Variants in SHC4 observed in about 807,000 individuals in gnomAD.
The protein encoded by SHC4 is SHC-transforming protein 4.
In SHC4, 41 loss-of-function variants were observed where a neutral mutation model predicts 69.4. The observed-to-expected ratio is 0.59, with a 90% CI of 0.46 to 0.77. The LOEUF is 0.77. SHC4 is among the 30% of genes least tolerant of loss of function. SHC4 has a pLI of 0.00. For missense variants in SHC4, 777 were observed against 783.8 expected (o/e 0.99, Z 0.10); for synonymous variants, 318 against 299.3 (o/e 1.06, Z -0.64).
chr15:48,844,946 T>C (rs1899059224), intron 9 of SHC4, among the ~76,000 whole-genome samples: 1 of 152,216 alleles, frequency 6.6e-6, no homozygotes, highest in South Asian at 2.1e-4. Context: ...GGGTATGTCT[T>C]TATTAGCAGC....
chr15:48,898,388 C>A (rs1398006624), intron 2 of SHC4, among the ~76,000 whole-genome samples: 1 of 152,190 alleles, frequency 6.6e-6, no homozygotes, highest in Admixed American at 6.5e-5. Context: ...AACTCAGCCT[C>A]ATAAAATACA....
intron 2 of SHC4, among the ~76,000 whole-genome samples, chr15:48,919,154 C>A (rs1900686079): frequency 6.6e-6 from 1 of 152,066 alleles, no homozygotes; most frequent in Non-Finnish European, 1.5e-5. Context: ...CAAGTAGGAC[C>A]ACTTGACACC....
chr15:48,850,085 C>T (rs1218124865), intron 9 of SHC4, among the ~76,000 whole-genome samples: 1 of 152,142 alleles, frequency 6.6e-6, no homozygotes, highest in Admixed American at 6.5e-5. Flanking sequence ...TGCCTGTAAT[C>T]TCAGCTACTC....
chr15:48,863,854 T>C (rs539410096), intron 6 of SHC4, among the ~76,000 whole-genome samples: 53 of 152,326 alleles, frequency 3.5e-4, no homozygotes, highest in African/African-American at 1.2e-3. Flanking sequence ...AATCTGTCCA[T>C]CCACTTAATG....
chr15:48,893,008 A>C (rs553281389), intron 2 of SHC4, among the ~76,000 whole-genome samples: 1 of 152,328 alleles, frequency 6.6e-6, no homozygotes, highest in Non-Finnish European at 1.5e-5. Flanking sequence ...TTTTACTAGA[A>C]GTTGTTACTT....
At chr15:48,829,224 A>C (rs1898750243) in intron 11 of SHC4, among the ~76,000 whole-genome samples, 1 of 152,072 alleles carries the variant, frequency 6.6e-6, no homozygotes, top group Non-Finnish European at 1.5e-5. Context: ...TGTTGGATGG[A>C]ATGTTCTGTA....
chr15:48,864,003 A>G (rs1899503937), intron 6 of SHC4, among the ~76,000 whole-genome samples: 2 of 152,204 alleles, frequency 1.3e-5, no homozygotes. Flanking sequence ...GAGTACTGAA[A>G]ATGCCTGGCA....
chr15:48,848,330 G>C lies in SHC4; in HGVS notation c.1303+2858C>G, dbSNP rs568222034. ...ATTCAGTGATTTACGGGGGAGCAAA[G>C]TATCTAGGTGGAGGACTTTTCTTAA... On this transcript the variant is annotated intron_variant, in intron 9 of 11. Transcript: ENST00000332408. Among the ~76,000 whole-genome samples, 3 of 152,266 alleles carry C rather than the reference G, an allele frequency of 2.0e-5. No homozygotes were observed. The South Asian group carries it at 6.2e-4, about 32-fold the overall frequency.
rs569203852 is a variant in SHC4, at chr15:48,947,927, G to A, written c.585+14504C>T. On this transcript the variant is annotated intron_variant, in intron 1 of 11. Coordinates refer to ENST00000332408, the MANE Select transcript of SHC4 (RefSeq NM_203349.4). ...TCAGTCTTCAGCTGATAAAAATGTT[G>A]ACAACAGTGGGAGAAACTCAAAACT... 4 of 152,258 alleles carry A rather than the reference G, an allele frequency of 2.6e-5. No homozygotes were observed. The East Asian group carries it at 7.7e-4, about 29-fold the overall frequency. The allele number at this position is 152,258 out of a possible 1,614,324, so 9.4% of individuals were successfully genotyped here.
chr15:48,859,307 GT>G (rs1335288057), intron 6 of SHC4, among the ~76,000 whole-genome samples: 940 of 13,372 alleles, frequency 0.07, 15 homozygotes, highest in African/African-American at 0.12. Context: ...TTTGAAAGGG[GT>G]GTGTGTGTGT....
At chr15:48,838,041 G>A (rs1898929287) in intron 10 of SHC4, among the ~76,000 whole-genome samples, 1 of 152,068 alleles carries the variant, frequency 6.6e-6, no homozygotes, top group East Asian at 1.9e-4. Flanking sequence ...GCAAAGCACT[G>A]GAAAAATTGA....
chr15:48,885,457 T>G (rs746451214), intron 3 of SHC4, among the ~76,000 whole-genome samples: 26 of 152,204 alleles, frequency 1.7e-4, no homozygotes, highest in Non-Finnish European at 3.5e-4. Flanking sequence ...ATTTTTGCCC[T>G]TCCTAACATT....
intron 2 of SHC4, among the ~76,000 whole-genome samples, chr15:48,917,131 C>G (rs550389148): frequency 1.6e-4 from 24 of 152,144 alleles, no homozygotes; most frequent in Admixed American, 1.4e-3. Context: ...CACCTAGACA[C>G]AAAGAGGTAG....
rs147137610 is a variant in SHC4 at position 48,854,547 on chromosome 15, G to A, written c.1242+1406C>T. ...GTTCATCGCAGCACTATTCACAATAGCAAAGACATGGAATCAATCTAGATG... is the reference window on the plus strand; with the variant it reads ...GTTCATCGCAGCACTATTCACAATAACAAAGACATGGAATCAATCTAGATG... On this transcript the variant is annotated intron_variant, in intron 8 of 11. Transcript: ENST00000332408. Among the ~76,000 whole-genome samples the A allele has an allele frequency of 3.7e-3, 565 of 152,272 alleles. 3 individuals carry two copies. Among genetic ancestry groups the A allele is most frequent in the African/African-American group, 0.013 (531 of 41,562 alleles).
At chr15:48,892,593 A>G (rs1595747743) in intron 2 of SHC4, among the ~76,000 whole-genome samples, 1 of 152,144 alleles carries the variant, frequency 6.6e-6, no homozygotes, top group East Asian at 1.9e-4. Flanking sequence ...GATACTGCCG[A>G]AATAGCTAGT....
chr15:48,952,396 T>C (rs1595768613), intron 1 of SHC4, among the ~76,000 whole-genome samples: 1 of 152,286 alleles, frequency 6.6e-6, no homozygotes, highest in East Asian at 1.9e-4. Flanking sequence ...TCTTAATGCA[T>C]TTCCCTGTGA....
intron 4 of SHC4, among the ~76,000 whole-genome samples, chr15:48,874,310 C>T (rs1899751519): frequency 6.6e-6 from 1 of 152,048 alleles, no homozygotes; most frequent in Non-Finnish European, 1.5e-5. Context: ...CAGCAGTCAG[C>T]CAGAAATCAT....
chr15:48,924,862 C>A lies in SHC4; in HGVS notation c.656+17G>T, dbSNP rs755872642. The A allele has an allele frequency of 1.9e-5, 30 of 1,613,692 alleles. No homozygotes were observed. Among genetic ancestry groups the A allele is most frequent in the Non-Finnish European group, 2.4e-5 (28 of 1,179,606 alleles). On this transcript the variant is annotated intron_variant, in intron 2 of 11. Coordinates refer to ENST00000332408, the MANE Select transcript of SHC4 (RefSeq NM_203349.4). ...AAACCATACTCCTCAAAGCCCCTCC[C>A]ATTTTTGGCTTCTTACCTTGTAACT...
intron 2 of SHC4, among the ~76,000 whole-genome samples, chr15:48,916,329 G>A (rs1307709790): frequency 6.7e-6 from 1 of 150,332 alleles, no homozygotes; most frequent in Non-Finnish European, 1.5e-5. Context: ...CCAGAAGTAT[G>A]CATTTGTCAT....
Sources: gnomAD v4.1 joint callset for allele counts (sites outside exome capture counted in the v4.1 genomes callset) on GRCh38, gnomAD v4.1.1 for gene constraint, MANE v1.5 for transcripts, NCBI Gene and HGNC (gene_info 2026-07-23, HGNC 2026-07-21) for gene names.